GRIK2: variants seen among roughly 807,000 people sequenced by gnomAD.
GRIK2 encodes the protein glutamate receptor ionotropic, kainate 2.
Under a neutral mutation model 100.3 loss-of-function variants are expected in GRIK2, and 32 were observed. That is an observed-to-expected ratio of 0.32 (90% CI 0.24 to 0.43). GRIK2 has a LOEUF of 0.43. GRIK2 is among the 20% of genes least tolerant of loss of function. The probability of loss-of-function intolerance (pLI) is 1.00; values close to 1 mark genes in which losing one functional copy is unlikely to be tolerated. For missense variants in GRIK2, 843 were observed against 1,114.9 expected, an observed-to-expected ratio of 0.76 and a Z score of 3.47; for synonymous variants, 417 against 389.4, an observed-to-expected ratio of 1.07 and a Z score of -0.83.
intron 2 of GRIK2, among the ~76,000 whole-genome samples, chr6:101,507,593 T>C (rs185926910): frequency 7.9e-5 from 12 of 152,298 alleles, no homozygotes; most frequent in Non-Finnish European, 1.5e-4. Flanking sequence ...TTGAATAGAT[T>C]GTAGCTAAAA....
chr6:101,665,225 G>T (rs1342897987), intron 4 of GRIK2, among the ~76,000 whole-genome samples: 2 of 152,122 alleles, frequency 1.3e-5, no homozygotes, highest in African/African-American at 2.4e-5. Flanking sequence ...GGCACTCTCT[G>T]TCCACTTCAT....
At chr6:101,699,400 C>T (rs2128351354) in intron 7 of GRIK2, among the ~76,000 whole-genome samples, 1 of 152,172 alleles carries the variant, frequency 6.6e-6, no homozygotes, top group African/African-American at 2.4e-5. Context: ...CAAAAGGCAC[C>T]TCTGAGTCTG....
intron 11 of GRIK2, among the ~76,000 whole-genome samples, chr6:101,881,217 A>C (rs555703626): frequency 7.2e-5 from 11 of 151,996 alleles, no homozygotes; most frequent in African/African-American, 2.4e-4. Flanking sequence ...ATTACATTTT[A>C]AGTAATAGCC....
intron 4 of GRIK2, among the ~76,000 whole-genome samples, chr6:101,632,363 A>G (rs184586060): frequency 7.9e-4 from 120 of 152,256 alleles, no homozygotes; most frequent in Admixed American, 1.7e-3. Context: ...TTTTATCACC[A>G]GCATCTAGAA....
intron 2 of GRIK2, among the ~76,000 whole-genome samples, chr6:101,515,140 A>G (rs370510739): frequency 4.6e-5 from 7 of 152,224 alleles, no homozygotes; most frequent in African/African-American, 1.7e-4. Flanking sequence ...TAGTGAGAAC[A>G]TACAATGTTT....
intron 7 of GRIK2, among the ~76,000 whole-genome samples, chr6:101,717,058 T>C (rs1460032158): frequency 1.3e-5 from 2 of 151,888 alleles, no homozygotes; most frequent in Middle Eastern, 3.2e-3. Flanking sequence ...CTTAGCAAAT[T>C]AGCACTTTAC....
At chr6:101,697,962 C>T (rs1456367142) in intron 7 of GRIK2, among the ~76,000 whole-genome samples, 1 of 152,056 alleles carries the variant, frequency 6.6e-6, no homozygotes, top group Non-Finnish European at 1.5e-5. Flanking sequence ...AGTGCAGATG[C>T]TACTATGTTC....
rs149591249 is a variant in GRIK2 at position 102,044,916 on chromosome 6, T to A, written c.2311+9350T>A. ...TCCTAGGCTGCCACAGAAATATATA[T>A]GATCTCTCTCTTTTGGAACCATAGC... is the stretch of plus-strand genomic sequence containing the variant. On this transcript the variant is annotated intron_variant, in intron 15 of 16. Coordinates refer to ENST00000369134, the MANE Select transcript of GRIK2 (RefSeq NM_021956.5). Among the ~76,000 whole-genome samples the A allele has an allele frequency of 5.8e-3, 876 of 152,196 alleles. 8 individuals carry two copies. The highest frequency in any genetic ancestry group is 0.02 in the African/African-American group (839 of 41,550).
At chr6:101,939,776 A>G (rs558569757) in intron 14 of GRIK2, among the ~76,000 whole-genome samples, 42 of 152,286 alleles carry the variant, frequency 2.8e-4, no homozygotes, top group African/African-American at 1.0e-3. Context: ...AAACCAGAAA[A>G]TAAAAACCCA....
chr6:101,886,112 C>A (rs1428483271), intron 11 of GRIK2, among the ~76,000 whole-genome samples: 2 of 152,138 alleles, frequency 1.3e-5, no homozygotes, highest in African/African-American at 2.4e-5. Context: ...TGATCTTTTA[C>A]TGTCTCTATA....
rs559756534 is a variant in GRIK2 at position 102,029,377 on chromosome 6, ATTTCC to A, written c.2086-5959_2086-5955del. The stretch of plus-strand genomic sequence containing the variant: ...TCTTTAGTTTATACTGCAACTTTAT[ATTTCC>A]TTTCTTCTATGTCAATTTGCATACA... On this transcript the variant is annotated intron_variant, in intron 14 of 16. Coordinates refer to ENST00000369134, the MANE Select transcript of GRIK2 (RefSeq NM_021956.5). Among the ~76,000 whole-genome samples, 317 of 151,338 alleles carry A rather than the reference ATTTCC, an allele frequency of 2.1e-3. 2 individuals are homozygous for A. The highest frequency in any genetic ancestry group is 7.3e-3 in the African/African-American group (303 of 41,426).
At chr6:101,736,223 G>A (rs1177266907) in intron 7 of GRIK2, among the ~76,000 whole-genome samples, 2 of 152,176 alleles carry the variant, frequency 1.3e-5, no homozygotes, top group African/African-American at 2.4e-5. Context: ...GCTTTTCTAA[G>A]TGCACAGTAC....
intron 11 of GRIK2, among the ~76,000 whole-genome samples, 188 bp from the exon 12 acceptor site, chr6:101,889,452 A>G (rs1786888439): frequency 4.6e-5 from 7 of 151,962 alleles, no homozygotes; most frequent in Admixed American, 4.6e-4. Flanking sequence ...GATTAGTGCA[A>G]TAAATCAGAT....
intron 7 of GRIK2, among the ~76,000 whole-genome samples, chr6:101,743,158 A>G (rs1304204906): frequency 1.3e-5 from 2 of 152,174 alleles, no homozygotes; most frequent in Admixed American, 6.5e-5. Context: ...CACCAGCCCA[A>G]CTGGAGGGTT....
chr6:101,997,225 T>C (rs1336256860), intron 14 of GRIK2, among the ~76,000 whole-genome samples: 4 of 152,170 alleles, frequency 2.6e-5, no homozygotes, highest in African/African-American at 9.6e-5. Context: ...GCACTATTAT[T>C]AGTCTATGCA....
chr6:101,630,648 C>T (rs1218794735), intron 4 of GRIK2, among the ~76,000 whole-genome samples: 1 of 151,918 alleles, frequency 6.6e-6, no homozygotes, highest in Admixed American at 6.6e-5. Flanking sequence ...TGAATATTTG[C>T]AAGGTATAGT....
intron 2 of GRIK2, among the ~76,000 whole-genome samples, chr6:101,476,196 GTTCTCTAGTACAATCAGATTGAACTA>G (rs1582533672): frequency 6.6e-6 from 1 of 152,170 alleles, no homozygotes; most frequent in East Asian, 1.9e-4. Flanking sequence ...GCTACTGTGT[GTTCTCTAGTACAATCAGATTGAACTA>G]TTTGGAGAAC....
At chr6:101,600,016 A>G (rs1319451365) in intron 2 of GRIK2, among the ~76,000 whole-genome samples, 1 of 151,860 alleles carries the variant, frequency 6.6e-6, no homozygotes, top group Non-Finnish European at 1.5e-5. Flanking sequence ...GTTTTCTACT[A>G]GGATTCTTAC....
chr6:101,952,529 A>C (rs988659511), intron 14 of GRIK2, among the ~76,000 whole-genome samples: 2 of 152,090 alleles, frequency 1.3e-5, no homozygotes, highest in South Asian at 4.1e-4. Context: ...TGTAATTTAT[A>C]TACCATGTAA....
Sources: gnomAD v4.1 joint callset for allele counts (sites outside exome capture counted in the v4.1 genomes callset) on GRCh38, gnomAD v4.1.1 for gene constraint, MANE v1.5 for transcripts, NCBI Gene and HGNC (gene_info 2026-07-23, HGNC 2026-07-21) for gene names.